The following ASCC3 variants were observed in gnomAD, a reference collection of about 807,000 sequenced individuals.
The protein encoded by ASCC3 is activating signal cointegrator 1 complex subunit 3, also known as ASC-1 complex subunit P200.
A neutral mutation model predicts 256.3 loss-of-function variants in ASCC3; 158 were observed. That is an observed-to-expected ratio of 0.62 (90% CI 0.54 to 0.70). The LOEUF (loss-of-function observed/expected upper bound fraction) is 0.70. Ranked by LOEUF, ASCC3 falls within the 30% of genes least tolerant of loss-of-function variation. ASCC3 has a pLI of 0.00. For synonymous variants in ASCC3, 948 were observed against 883.4 expected (o/e 1.07, Z -1.30); for missense variants, 2,259 against 2,626.0 (o/e 0.86, Z 3.05).
chr6:100,701,006 G>A (rs142623409), intron 13 of ASCC3, among the ~76,000 whole-genome samples: 1 of 152,128 alleles, frequency 6.6e-6, no homozygotes, highest in African/African-American at 2.4e-5. Flanking sequence ...GGAGGGGCCA[G>A]GGTGGAATGA....
chr6:100,856,335 T>C (rs1772937408), intron 3 of ASCC3: 4 of 908,838 alleles, frequency 4.4e-6, no homozygotes, highest in Admixed American at 6.2e-5. Context: ...ATTATACTTA[T>C]GATACTGTTT....
intron 36 of ASCC3, among the ~76,000 whole-genome samples, chr6:100,575,378 T>C (rs910442682): frequency 6.6e-6 from 1 of 152,104 alleles, no homozygotes; most frequent in South Asian, 2.1e-4. Context: ...CAAAACAATT[T>C]ATAGTTGTGC....
At chr6:100,855,868 T>C (rs139695504) in intron 3 of ASCC3, among the ~76,000 whole-genome samples, 30 of 152,266 alleles carry the variant, frequency 2.0e-4, no homozygotes, top group Non-Finnish European at 3.7e-4. Context: ...GTTATAACCA[T>C]ATTATAGAAG....
chr6:100,819,953 C>T (rs540733984), intron 4 of ASCC3, among the ~76,000 whole-genome samples: 6 of 152,028 alleles, frequency 3.9e-5, no homozygotes, highest in South Asian at 4.2e-4. Context: ...GAGTTCTACA[C>T]TAAAAACTAC....
intron 13 of ASCC3, among the ~76,000 whole-genome samples, chr6:100,701,459 G>A (rs1378807588): frequency 6.6e-6 from 1 of 152,110 alleles, no homozygotes; most frequent in African/African-American, 2.4e-5. Context: ...AAATCTAAGT[G>A]CATAAAACCT....
chr6:100,818,563 C>T (rs1249419597), intron 4 of ASCC3, among the ~76,000 whole-genome samples: 4 of 106,326 alleles, frequency 3.8e-5, no homozygotes, highest in Non-Finnish European at 7.6e-5. Flanking sequence ...GGCAAGACTC[C>T]GTCTCAAAAA....
intron 34 of ASCC3, 94 bp downstream of exon 34, chr6:100,601,715 CT>C: frequency 1.4e-6 from 2 of 1,475,064 alleles, no homozygotes; most frequent in Non-Finnish European, 1.9e-6. Context: ...AAAGTTCTGC[CT>C]TTTTTGTATG....
intron 10 of ASCC3, among the ~76,000 whole-genome samples, chr6:100,739,517 T>C (rs1780329812): frequency 6.6e-6 from 1 of 152,056 alleles, no homozygotes; most frequent in Admixed American, 6.6e-5. Flanking sequence ...AGAAATGGTA[T>C]CAGCTCTTTG....
intron 1 of ASCC3, among the ~76,000 whole-genome samples, chr6:100,871,450 G>A (rs570853075): frequency 8.3e-4 from 126 of 152,064 alleles, no homozygotes; most frequent in African/African-American, 2.8e-3. Context: ...TAATGGCCAA[G>A]GAAGAAATTC....
chr6:100,519,823 TC>T (rs1344944354), intron 37 of ASCC3, among the ~76,000 whole-genome samples: 2 of 152,048 alleles, frequency 1.3e-5, no homozygotes, highest in Non-Finnish European at 2.9e-5. Context: ...TTATGAGATT[TC>T]CCCACAATTT....
intron 4 of ASCC3, among the ~76,000 whole-genome samples, chr6:100,812,244 T>C (rs1002507681): frequency 6.6e-6 from 1 of 152,198 alleles, no homozygotes; most frequent in South Asian, 2.1e-4. Flanking sequence ...AACTAAAATG[T>C]TCATTTTCTA....
chr6:100,516,123 C>G, intron 39 of ASCC3, 57 bp downstream of exon 39: 1 of 1,610,720 alleles, frequency 6.2e-7, no homozygotes, highest in Admixed American at 1.7e-5. Flanking sequence ...TTAGAAAACT[C>G]TTGGTACACC....
intron 22 of ASCC3, 74 bp downstream of exon 22, chr6:100,646,541 T>C (rs1582627261): frequency 1.4e-6 from 2 of 1,463,162 alleles, no homozygotes; most frequent in South Asian, 1.2e-5. Flanking sequence ...CTATATGCCT[T>C]AGGAACAGAT....
rs111974347 is a variant in ASCC3 at position 100,568,752 on chromosome 6, AATTATTATT to A, written c.5550+20873_5550+20881del. On this transcript the variant is annotated intron_variant, in intron 36 of 41. Transcript: ENST00000369162. Reference sequence around the variant, plus strand: ...AATTGCTTTTGAGGACTTAGTCATAAATTATTATTATTATTATTATTATTATTATTATTA... The same window carrying A: ...AATTGCTTTTGAGGACTTAGTCATAAATTATTATTATTATTATTATTATTA... 9.5e-3 allele frequency among the ~76,000 whole-genome samples: 1,321 copies of A among 139,620 alleles called. 18 individuals carry two copies. Among genetic ancestry groups the A allele is most frequent in the African/African-American group, 0.029 (1,084 of 37,040 alleles). The allele number at this position is 139,620 out of a possible 152,430, so 91.6% of individuals were successfully genotyped here.
chr6:100,586,240 T>C (rs1771669392), intron 36 of ASCC3, among the ~76,000 whole-genome samples: 4 of 152,212 alleles, frequency 2.6e-5, no homozygotes, highest in Admixed American at 2.6e-4. Context: ...CTCCACCCAG[T>C]TCGAGCTTCC....
chr6:100,879,186 C>T (rs1045680761), intron 1 of ASCC3, among the ~76,000 whole-genome samples: 5 of 152,280 alleles, frequency 3.3e-5, no homozygotes, highest in Middle Eastern at 3.4e-3. Context: ...AGGGAATTTC[C>T]ATGCAGAACT....
chr6:100,582,643 G>T (rs1399065460), intron 36 of ASCC3, among the ~76,000 whole-genome samples: 1 of 152,012 alleles, frequency 6.6e-6, no homozygotes, highest in Non-Finnish European at 1.5e-5. Context: ...AGTGGTGAGA[G>T]AGGGCATCCC....
intron 13 of ASCC3, among the ~76,000 whole-genome samples, chr6:100,681,837 C>G (rs1777325593): frequency 6.7e-6 from 1 of 149,884 alleles, no homozygotes; most frequent in East Asian, 2.0e-4. Flanking sequence ...AATTTTTCAA[C>G]TAAAGAAAAC....
In ASCC3 at chr6:100,736,385, C is replaced by T. The variant is rs566622895; in HGVS notation, c.1738-10682G>A. 7.2e-5 allele frequency among the ~76,000 whole-genome samples: 11 copies of T among 152,116 alleles called. No homozygotes were observed. In the South Asian group the frequency reaches 2.3e-3, roughly 32 times the overall value. On this transcript the variant is annotated intron_variant, in intron 10 of 41. Coordinates refer to ENST00000369162, the MANE Select transcript of ASCC3 (RefSeq NM_006828.4). The stretch of plus-strand genomic sequence containing the variant: ...GGCGTGGTGGCACATGCCTGTAATC[C>T]CAGCTACTCAGAAGCTGAGGCAGGA...
Sources: allele counts gnomAD v4.1 joint callset (sites outside exome capture counted in the v4.1 genomes callset), GRCh38; gene constraint gnomAD v4.1.1; transcripts MANE v1.5; gene names NCBI Gene and HGNC (gene_info 2026-07-23, HGNC 2026-07-21).